AXDND1: variants seen among roughly 807,000 people sequenced by gnomAD.
The protein encoded by AXDND1 is axonemal dynein light chain domain-containing protein 1.
Under a neutral mutation model 137.5 loss-of-function variants are expected in AXDND1, and 110 were observed. The observed-to-expected ratio is 0.80, with a 90% CI of 0.69 to 0.94. The LOEUF (loss-of-function observed/expected upper bound fraction) is 0.94. Among genes scored for constraint, AXDND1 ranks in the 40% least tolerant of loss-of-function variants. The pLI is 0.00. For missense variants in AXDND1, 1,191 were observed against 1,169.8 expected (o/e 1.02, Z -0.26); for synonymous variants, 414 against 399.7 (o/e 1.04, Z -0.43).
intron 22 of AXDND1, 51 bp from the exon 23 acceptor site, chr1:179,528,276 C>T (rs761927387): frequency 3.5e-5 from 48 of 1,352,692 alleles, no homozygotes; most frequent in Middle Eastern, 3.6e-4. Flanking sequence ...AGGAAACTTG[C>T]TGGGGTGCTA....
At chr1:179,447,219 C>T (rs536776947) in intron 16 of AXDND1, among the ~76,000 whole-genome samples, 18 of 152,202 alleles carry the variant, frequency 1.2e-4, no homozygotes, top group Non-Finnish European at 1.9e-4. Flanking sequence ...CCTTCTCCCA[C>T]CCACACACCC....
At chr1:179,404,023 CTT>C (rs1652534319) in intron 11 of AXDND1, among the ~76,000 whole-genome samples, 1 of 152,130 alleles carries the variant, frequency 6.6e-6, no homozygotes, top group South Asian at 2.1e-4. Context: ...TAACATTTCT[CTT>C]GACTATGAAT....
chr1:179,402,385 C>T (rs1178199270), intron 11 of AXDND1, among the ~76,000 whole-genome samples: 3 of 152,176 alleles, frequency 2.0e-5, no homozygotes, highest in African/African-American at 4.8e-5. Flanking sequence ...AGCTGATGAT[C>T]TTGCTTTCTA....
chr1:179,540,518 G>A (rs1026090331), intron 25 of AXDND1, among the ~76,000 whole-genome samples: 11 of 152,178 alleles, frequency 7.2e-5, no homozygotes, highest in African/African-American at 2.4e-4. Context: ...TATCATCAGC[G>A]GATGCTGCAG....
chr1:179,437,348 G>T (rs1458465584), intron 15 of AXDND1, among the ~76,000 whole-genome samples: 1 of 152,144 alleles, frequency 6.6e-6, no homozygotes, highest in Non-Finnish European at 1.5e-5. Context: ...TTCTCAGCAG[G>T]CTTGCGAGAC....
intron 21 of AXDND1, among the ~76,000 whole-genome samples, chr1:179,513,775 T>A (rs1669268384): frequency 6.6e-6 from 1 of 152,126 alleles, no homozygotes; most frequent in Admixed American, 6.5e-5. Context: ...ATCTAATTCT[T>A]TCTGAGTTAA....
intron 14 of AXDND1, among the ~76,000 whole-genome samples, chr1:179,431,289 G>A (rs1558168482): frequency 6.6e-6 from 1 of 152,006 alleles, no homozygotes; most frequent in Non-Finnish European, 1.5e-5. Flanking sequence ...TTACAGGCAT[G>A]CGCCACCACA....
At chr1:179,442,494 G>A (rs933556227) in intron 15 of AXDND1, among the ~76,000 whole-genome samples, 5 of 152,256 alleles carry the variant, frequency 3.3e-5, no homozygotes, top group African/African-American at 1.2e-4. Context: ...TGGGTTATGC[G>A]TAATAACCTC....
chr1:179,458,371 C>T (rs151060045), intron 16 of AXDND1, among the ~76,000 whole-genome samples: 2 of 152,150 alleles, frequency 1.3e-5, no homozygotes, highest in African/African-American at 2.4e-5. Context: ...TAATTCGAAG[C>T]CTTAGAACAA....
At chr1:179,416,161 A>G (rs576791283) in intron 12 of AXDND1, among the ~76,000 whole-genome samples, 49 of 152,100 alleles carry the variant, frequency 3.2e-4, no homozygotes, top group Non-Finnish European at 5.9e-4. Flanking sequence ...CCACTCTTTT[A>G]GCTCCCACAT....
chr1:179,405,079 C>A (rs1304157919), intron 11 of AXDND1, among the ~76,000 whole-genome samples: 1 of 152,024 alleles, frequency 6.6e-6, no homozygotes, highest in East Asian at 1.9e-4. Flanking sequence ...CCCTTGCCCC[C>A]CAACCCCCAA....
rs1452933797 is a variant in AXDND1 at position 179,486,133 on chromosome 1, A to AC, written c.2091+2912_2091+2913insC. On this transcript the variant is annotated intron_variant, in intron 18 of 25. Transcript: ENST00000367618. ...AAACTCTGTCTCAAAAAAAAAAAAA[A>AC]AAAAAAAACCTGATAGAAATGAAAA... 1.0e-3 allele frequency among the ~76,000 whole-genome samples: 66 copies of AC among 66,276 alleles called. 4 individuals carry two copies. The highest frequency in any genetic ancestry group is 3.2e-3 in the East Asian group (5 of 1,568). 43.5% of individuals were successfully genotyped at this position (66,276 alleles called of 152,430 possible). A position where few individuals can be genotyped will look rare whatever the true frequency, so the allele number is the denominator to read the frequency against.
rs927237270 is a variant in AXDND1 at position 179,366,489 on chromosome 1, A to C, written c.-21A>C. On this transcript the variant is annotated 5_prime_UTR_variant, in exon 2 of 26. Coordinates refer to ENST00000367618, the MANE Select transcript of AXDND1 (RefSeq NM_144696.6). ...GGAGGACTATTTCAAATTACTAAAGAGATAGGAGGCATTGTTTATTATGTC... is the reference window on the plus strand; with the variant it reads ...GGAGGACTATTTCAAATTACTAAAGCGATAGGAGGCATTGTTTATTATGTC... 14 of 1,575,168 alleles carry C rather than the reference A, an allele frequency of 8.9e-6. No individual in the cohort carries two copies. Among genetic ancestry groups the C allele is most frequent in the African/African-American group, 1.4e-5 (1 of 73,912 alleles).
chr1:179,550,380 C>T (rs1195402609), intron 25 of AXDND1, among the ~76,000 whole-genome samples: 5 of 151,976 alleles, frequency 3.3e-5, no homozygotes, highest in Non-Finnish European at 5.9e-5. Context: ...TATTACTGTT[C>T]GAAGAAATAA....
At chr1:179,527,306 G>T (rs1670620608) in intron 22 of AXDND1, among the ~76,000 whole-genome samples, 1 of 152,114 alleles carries the variant, frequency 6.6e-6, no homozygotes, top group South Asian at 2.1e-4. Context: ...TTGTGGTTTT[G>T]GTGGGTTTTG....
chr1:179,469,350 T>C (rs1663637762), intron 17 of AXDND1, among the ~76,000 whole-genome samples: 1 of 152,242 alleles, frequency 6.6e-6, no homozygotes, highest in African/African-American at 2.4e-5. Context: ...AGTAGTTCAT[T>C]TTTATGACTG....
chr1:179,493,985 T>C (rs1204936754), intron 20 of AXDND1, among the ~76,000 whole-genome samples: 1 of 152,148 alleles, frequency 6.6e-6, no homozygotes, highest in Admixed American at 6.6e-5. Flanking sequence ...GGAGTCTCGC[T>C]CTGTTGCCCA....
intron 21 of AXDND1, among the ~76,000 whole-genome samples, chr1:179,521,327 C>T (rs1004977456): frequency 1.3e-5 from 2 of 152,130 alleles, no homozygotes; most frequent in African/African-American, 4.8e-5. Flanking sequence ...GCTGCTCTTC[C>T]TCTTACTGTT....
At chr1:179,551,296 T>C in intron 25 of AXDND1, 1 of 1,614,046 alleles carries the variant, frequency 6.2e-7, no homozygotes, top group East Asian at 2.2e-5. Context: ...GTAGGTCAAA[T>C]GGCAAAGGTA....
Sources: gnomAD v4.1 joint callset for allele counts (sites outside exome capture counted in the v4.1 genomes callset) on GRCh38, gnomAD v4.1.1 for gene constraint, MANE v1.5 for transcripts, NCBI Gene and HGNC (gene_info 2026-07-23, HGNC 2026-07-21) for gene names.